The following LRP1B variants were observed in gnomAD, a reference collection of about 807,000 sequenced individuals.
The protein encoded by LRP1B is LDL receptor related protein 1B, also known as low-density lipoprotein receptor-related protein 1B.
A neutral mutation model predicts 556.6 loss-of-function variants in LRP1B; 217 were observed. The observed-to-expected ratio is 0.39, with a 90% CI of 0.35 to 0.44. The LOEUF is 0.44. Among genes scored for constraint, LRP1B ranks in the 20% least tolerant of loss-of-function variants. The probability of loss-of-function intolerance (pLI) is 1.00; values close to 1 mark genes in which losing one functional copy is unlikely to be tolerated. For missense variants in LRP1B, 5,053 were observed against 5,620.8 expected, an observed-to-expected ratio of 0.90 and a Z score of 3.23; for synonymous variants, 2,047 against 1,865.8, an observed-to-expected ratio of 1.10 and a Z score of -2.50.
intron 1 of LRP1B, among the ~76,000 whole-genome samples, chr2:142,061,753 G>C (rs151161406): frequency 4.0e-5 from 6 of 151,866 alleles, no homozygotes; most frequent in Non-Finnish European, 7.4e-5. Flanking sequence ...TGCATTTAAT[G>C]GTAGACTTCA....
chr2:141,332,665 G>A (rs1378968746), intron 3 of LRP1B, among the ~76,000 whole-genome samples: 1 of 150,414 alleles, frequency 6.6e-6, no homozygotes, highest in East Asian at 1.9e-4. Flanking sequence ...TGCTACTTCT[G>A]ATGAGTATTT....
Position 141,480,315 on chromosome 2 carries a change from G to C in LRP1B, c.343+81C>G, listed in dbSNP as rs1199465206. ...GATATGCTTGTAGTTGAAAGAAAAG[G>C]CAGGTTATAGGTTTTCTTTGAACTT... On this transcript the variant is annotated intron_variant, in intron 3 of 90. Coordinates refer to ENST00000389484, the MANE Select transcript of LRP1B (RefSeq NM_018557.3). 2.1e-6 allele frequency: 3 copies of C among 1,433,344 alleles called. No homozygotes were observed. The African/African-American group carries it at 4.2e-5, about 20-fold the overall frequency. The allele number at this position is 1,433,344 out of a possible 1,614,324, so 88.8% of individuals were successfully genotyped here.
intron 7 of LRP1B, among the ~76,000 whole-genome samples, chr2:141,169,755 A>G (rs1056350677): frequency 6.6e-6 from 1 of 151,016 alleles, no homozygotes; most frequent in Non-Finnish European, 1.5e-5. Context: ...CGGGTATACA[A>G]AGCAAAAGAT....
At chr2:141,613,395 T>G (rs6429913) in intron 2 of LRP1B, among the ~76,000 whole-genome samples, 143,618 of 152,134 alleles carry the variant, frequency 0.94, 68,359 homozygotes, top group East Asian at 1. Context: ...AACCTGCACT[T>G]CCTCCTAATG....
At chr2:140,723,545 T>C (rs1687488718) in intron 35 of LRP1B, among the ~76,000 whole-genome samples, 1 of 46,448 alleles carries the variant, frequency 2.2e-5, no homozygotes, top group Non-Finnish European at 5.1e-5. Flanking sequence ...GCCATATCCA[T>C]TTAAATTATG....
intron 6 of LRP1B, among the ~76,000 whole-genome samples, chr2:141,214,596 A>G (rs1682713217): frequency 6.6e-6 from 1 of 152,162 alleles, no homozygotes; most frequent in African/African-American, 2.4e-5. Flanking sequence ...ACATTAATTT[A>G]CCTTTATTTT....
At chr2:140,244,085 C>T (rs927481543) in intron 87 of LRP1B, among the ~76,000 whole-genome samples, 1 of 151,250 alleles carries the variant, frequency 6.6e-6, no homozygotes, top group South Asian at 2.1e-4. Flanking sequence ...GTCTGCCTTC[C>T]TCACTGACCT....
intron 4 of LRP1B, among the ~76,000 whole-genome samples, chr2:141,248,723 G>A (rs1222335038): frequency 6.6e-6 from 1 of 152,134 alleles, no homozygotes; most frequent in Non-Finnish European, 1.5e-5. Flanking sequence ...CATTGGGAAA[G>A]CATTAATTAG....
At position 140,701,899 on chromosome 2, in the gene LRP1B, G is replaced by C. The variant is rs990628748; in HGVS notation, c.6303-54C>G. 4 of 1,605,718 alleles carry C rather than the reference G, an allele frequency of 2.5e-6. No individual in the cohort carries two copies. In the African/African-American group the frequency reaches 5.4e-5, roughly 22 times the overall value. On this transcript the variant is annotated intron_variant, in intron 39 of 90. Transcript: ENST00000389484. ...ACAATCTTCGACTAATTAAAGTCAA[G>C]CCAGTTACTTAAGCTGAAGATAACA...
At position 140,510,054 on chromosome 2, in the gene LRP1B, C is replaced by T; in HGVS notation, c.8272G>A (p.Ala2758Thr). Residue 2758 changes from alanine (A) to threonine (T), a missense_variant and splice_region_variant, in exon 52 of 91, where the codon GCC (alanine) becomes ACC (threonine). This residue lies in a region of LRP1B where 3,619 missense variants were observed against 3,931.9 expected (regional missense o/e 0.92). Coordinates refer to ENST00000389484, the MANE Select transcript of LRP1B (RefSeq NM_018557.3). ...AACATGTCAGCAGCACAGGTTATGGCACCTGAAACACAAAAACATAATGCC... is the reference window on the plus strand; with the variant it reads ...AACATGTCAGCAGCACAGGTTATGGTACCTGAAACACAAAAACATAATGCC... ...GLDESDSICGAITCAADMFSC... is the reference protein window; with the variant it reads ...GLDESDSICGTITCAADMFSC... 6 of 1,613,036 alleles carry T rather than the reference C, an allele frequency of 3.7e-6. No individual in the cohort carries two copies. The highest frequency in any genetic ancestry group is 5.1e-6 in the Non-Finnish European group (6 of 1,179,770).
At chr2:141,394,906 C>T (rs1690187045) in intron 3 of LRP1B, among the ~76,000 whole-genome samples, 1 of 152,072 alleles carries the variant, frequency 6.6e-6, no homozygotes. Flanking sequence ...AAGATGCAAT[C>T]TCCACAGTCA....
intron 5 of LRP1B, among the ~76,000 whole-genome samples, chr2:141,237,823 G>C (rs1386557155): frequency 6.6e-6 from 1 of 152,030 alleles, no homozygotes; most frequent in Non-Finnish European, 1.5e-5. Flanking sequence ...GTTTTGCAGA[G>C]AGCTGGTCCA....
At chr2:140,412,608 C>A (rs568526983) in intron 66 of LRP1B, among the ~76,000 whole-genome samples, 184 of 152,132 alleles carry the variant, frequency 1.2e-3, no homozygotes, top group African/African-American at 4.1e-3. Context: ...CACTATGTGT[C>A]AGATCTAATG....
At chr2:141,335,578 G>A (rs1343102876) in intron 3 of LRP1B, among the ~76,000 whole-genome samples, 1 of 152,090 alleles carries the variant, frequency 6.6e-6, no homozygotes, top group Non-Finnish European at 1.5e-5. Context: ...TATGACATAA[G>A]CATAATTCTT....
intron 7 of LRP1B, among the ~76,000 whole-genome samples, chr2:141,155,805 CTAG>C (rs766802397): frequency 5.3e-5 from 8 of 152,072 alleles, no homozygotes; most frequent in Non-Finnish European, 2.9e-5. Flanking sequence ...ATTACATTTA[CTAG>C]TATTTCCAAA....
intron 2 of LRP1B, among the ~76,000 whole-genome samples, chr2:141,729,720 G>A (rs1693194753): frequency 6.6e-6 from 1 of 152,114 alleles, no homozygotes; most frequent in African/African-American, 2.4e-5. Flanking sequence ...TTCCTAAAAT[G>A]GATTTACATT....
At chr2:141,714,411 A>G (rs1201506275) in intron 2 of LRP1B, among the ~76,000 whole-genome samples, 1 of 151,702 alleles carries the variant, frequency 6.6e-6, no homozygotes, top group Non-Finnish European at 1.5e-5. Flanking sequence ...GGTTTTCTCA[A>G]AAAAAGTTAA....
chr2:141,828,841 A>G (rs1697019937), intron 1 of LRP1B, among the ~76,000 whole-genome samples: 1 of 152,046 alleles, frequency 6.6e-6, no homozygotes, highest in Non-Finnish European at 1.5e-5. Context: ...TTAAAAATCA[A>G]TAACTGGGAT....
In LRP1B at chr2:141,960,533, A is replaced by C. The variant is rs865987611; in HGVS notation, c.83-150132T>G. ...ACTTTTATAGAATGTTTGGTTATCA[A>C]AGCATAAATGTTTTTCAAAGTTTCT... On this transcript the variant is annotated intron_variant, in intron 1 of 90. Coordinates refer to ENST00000389484, the MANE Select transcript of LRP1B (RefSeq NM_018557.3). 3.9e-5 allele frequency among the ~76,000 whole-genome samples: 6 copies of C among 152,024 alleles called. No homozygotes were observed. In the Middle Eastern group the frequency reaches 0.01, roughly 259 times the overall value.
Sources: gnomAD v4.1 joint callset for allele counts (sites outside exome capture counted in the v4.1 genomes callset) on GRCh38, gnomAD v4.1.1 for gene constraint, gnomAD v4.1.1 regional missense constraint, MANE v1.5 for transcripts, NCBI Gene and HGNC (gene_info 2026-07-23, HGNC 2026-07-21) for gene names.